The following PAPPA2 variants were observed in gnomAD, a reference collection of about 807,000 sequenced individuals.
PAPPA2 encodes the protein pappalysin-2.
In PAPPA2, 86 loss-of-function variants were observed where a neutral mutation model predicts 176.4. The observed-to-expected ratio is 0.49, with a 90% CI of 0.41 to 0.58. PAPPA2 has a LOEUF of 0.58. Ranked by LOEUF, PAPPA2 falls within the 20% of genes least tolerant of loss-of-function variation. PAPPA2 has a pLI of 0.00. For missense variants in PAPPA2, 2,073 were observed against 2,256.9 expected, an observed-to-expected ratio of 0.92 and a Z score of 1.65; for synonymous variants, 809 against 852.2, an observed-to-expected ratio of 0.95 and a Z score of 0.88.
At chr1:176,812,950 G>T (rs1296280835) in intron 21 of PAPPA2, among the ~76,000 whole-genome samples, 3 of 151,388 alleles carry the variant, frequency 2.0e-5, no homozygotes, top group African/African-American at 2.4e-5. Flanking sequence ...CAACCAACCT[G>T]CCCCGACATG....
intron 3 of PAPPA2, among the ~76,000 whole-genome samples, chr1:176,632,451 C>T (rs1335295084): frequency 6.6e-6 from 1 of 151,880 alleles, no homozygotes; most frequent in Non-Finnish European, 1.5e-5. Flanking sequence ...ATGGCGTGAA[C>T]CCGGGAGGCG....
At chr1:176,501,834 G>A (rs1647978561) in intron 1 of PAPPA2, among the ~76,000 whole-genome samples, 1 of 152,150 alleles carries the variant, frequency 6.6e-6, no homozygotes, top group Admixed American at 6.5e-5. Context: ...TTCCATCACA[G>A]CGAGTCACCG....
In PAPPA2 at chr1:176,594,726, G is replaced by T; in HGVS notation, c.1122G>T (p.Arg374=). ...ATGTGGCAGCCACTTACGATGGACG[G>T]CACATGGCCCTGTATGTGGATGGCA... The part of the protein sequence containing the change: ...WTHVAATYDG[R]HMALYVDGTQ... Residue 374 remains arginine (R), a synonymous_variant, in exon 3 of 23, where the codon CGG becomes CGT. Transcript: ENST00000367662. The T allele has an allele frequency of 6.2e-7, 1 of 1,614,228 alleles. No individual in the cohort carries two copies. Among genetic ancestry groups the T allele is most frequent in the Non-Finnish European group, 8.5e-7 (1 of 1,180,046 alleles).
intron 21 of PAPPA2, among the ~76,000 whole-genome samples, chr1:176,813,330 G>A (rs949095286): frequency 6.6e-6 from 1 of 152,120 alleles, no homozygotes; most frequent in Non-Finnish European, 1.5e-5. Context: ...GGGTCAAATG[G>A]TATTTCTGCC....
At chr1:176,663,824 C>T (rs1418640506) in intron 3 of PAPPA2, among the ~76,000 whole-genome samples, 3 of 152,030 alleles carry the variant, frequency 2.0e-5, no homozygotes, top group African/African-American at 7.2e-5. Context: ...TCAAGTTCTC[C>T]TGGGGACCTC....
intron 15 of PAPPA2, among the ~76,000 whole-genome samples, 191 bp downstream of exon 15, chr1:176,766,028 T>C (rs1663949082): frequency 6.6e-6 from 1 of 152,212 alleles, no homozygotes. Flanking sequence ...TGTACAGTGC[T>C]GATTAAGTGG....
intron 3 of PAPPA2, among the ~76,000 whole-genome samples, chr1:176,632,932 TGAA>T (rs1656430085): frequency 6.6e-6 from 1 of 151,496 alleles, no homozygotes; most frequent in African/African-American, 2.4e-5. Flanking sequence ...AAGGAGAAGA[TGAA>T]GATGAACAAC....
chr1:176,559,573 C>T (rs1025221796), intron 2 of PAPPA2, among the ~76,000 whole-genome samples: 4 of 152,170 alleles, frequency 2.6e-5, no homozygotes, highest in African/African-American at 9.6e-5. Flanking sequence ...ATAATGTTGC[C>T]AAAGGCATTT....
At chr1:176,809,414 G>A (rs1666046619) in intron 21 of PAPPA2, among the ~76,000 whole-genome samples, 1 of 152,236 alleles carries the variant, frequency 6.6e-6, no homozygotes, top group South Asian at 2.1e-4. Context: ...TACCAACAAT[G>A]GTTCCATCAC....
intron 4 of PAPPA2, among the ~76,000 whole-genome samples, chr1:176,681,007 T>G (rs955156681): frequency 5.3e-5 from 8 of 151,580 alleles, no homozygotes; most frequent in African/African-American, 1.9e-4. Context: ...GAAAAGCAAA[T>G]GGGGAGCCAG....
At chr1:176,567,027 A>G (rs572297790) in intron 2 of PAPPA2, among the ~76,000 whole-genome samples, 160 of 152,306 alleles carry the variant, frequency 1.1e-3, no homozygotes, top group African/African-American at 3.7e-3. Flanking sequence ...CTGGGGGCTC[A>G]TCAGATTTGT....
At chr1:176,634,402 G>T (rs1317634669) in intron 3 of PAPPA2, among the ~76,000 whole-genome samples, 1 of 152,096 alleles carries the variant, frequency 6.6e-6, no homozygotes, top group African/African-American at 2.4e-5. Context: ...AGAACACTTG[G>T]ACACAGGAAG....
At chr1:176,599,485 G>A (rs907039090) in intron 3 of PAPPA2, among the ~76,000 whole-genome samples, 5 of 140,216 alleles carry the variant, frequency 3.6e-5, no homozygotes, top group Admixed American at 2.1e-4. Flanking sequence ...TCTCTCCTAC[G>A]TTCTCTTTGT....
intron 2 of PAPPA2, among the ~76,000 whole-genome samples, chr1:176,560,410 G>T (rs1651596467): frequency 6.6e-6 from 1 of 152,188 alleles, no homozygotes; most frequent in Non-Finnish European, 1.5e-5. Context: ...CGTCTCTCTG[G>T]CCCTCAGAAG....
chr1:176,726,848 G>A (rs111293861), intron 12 of PAPPA2, among the ~76,000 whole-genome samples: 6 of 152,292 alleles, frequency 3.9e-5, no homozygotes, highest in Admixed American at 3.3e-4. Context: ...GGAAAGAAGC[G>A]TAAGTGGGTA....
At chr1:176,562,777 G>A (rs1335164417) in intron 2 of PAPPA2, among the ~76,000 whole-genome samples, 1 of 152,220 alleles carries the variant, frequency 6.6e-6, no homozygotes, top group African/African-American at 2.4e-5. Context: ...TTGTAAATTA[G>A]CATCTTTGTG....
At chr1:176,705,277 T>C (rs928504831) in intron 9 of PAPPA2, among the ~76,000 whole-genome samples, 3 of 152,212 alleles carry the variant, frequency 2.0e-5, no homozygotes, top group Admixed American at 2.0e-4. Context: ...ATATCACTTT[T>C]AGCCTTCTCC....
At position 176,804,089 on chromosome 1, in the gene PAPPA2, T is replaced by A. The variant is rs560605427; in HGVS notation, c.5202+3957T>A. ...TAATGCTTATTTCATAAGGTTACAG[T>A]GAAGATAAATGAGATAAATGAGTTA... is the stretch of plus-strand genomic sequence containing the variant. On this transcript the variant is annotated intron_variant, in intron 21 of 22. Coordinates refer to ENST00000367662, the MANE Select transcript of PAPPA2 (RefSeq NM_020318.3). 3.9e-5 allele frequency among the ~76,000 whole-genome samples: 6 copies of A among 152,334 alleles called. 1 individual carries two copies. The highest frequency in any genetic ancestry group is 1.3e-4 in the Admixed American group (2 of 15,296).
In PAPPA2 at chr1:176,791,381, C is replaced by A; in HGVS notation, c.4919C>A (p.Thr1640Asn). 6.2e-7 allele frequency: 1 copy of A among 1,611,530 alleles called. No individual in the cohort carries two copies. The highest frequency in any genetic ancestry group is 8.5e-7 in the Non-Finnish European group (1 of 1,177,944). The change falls in exon 19 of 23, where the codon ACC (threonine) becomes AAC (asparagine). Residue 1640 changes from threonine (T) to asparagine (N), a missense_variant. This residue lies in a region of PAPPA2 where 846 missense variants were observed against 857.9 expected (regional missense o/e 0.99). Coordinates refer to ENST00000367662, the MANE Select transcript of PAPPA2 (RefSeq NM_020318.3). ...PILCTKEGLW[T>N]QEFKLCENLQ... ...CTCTGCACTAAAGAGGGCCTGTGGA[C>A]CCAGGAGTTTAAGTTGTGTGAGAAT...
Sources: allele counts gnomAD v4.1 joint callset (sites outside exome capture counted in the v4.1 genomes callset), GRCh38; gene constraint gnomAD v4.1.1; regional missense constraint gnomAD v4.1.1; transcripts MANE v1.5; gene names NCBI Gene and HGNC (gene_info 2026-07-23, HGNC 2026-07-21).